MTBP: variants seen among roughly 807,000 people sequenced by gnomAD.
The protein encoded by MTBP is MDM2 binding protein.
MTBP carries 101 observed loss-of-function variants against 117.0 expected under a neutral mutation model. That is an observed-to-expected ratio of 0.86 (90% confidence interval 0.73 to 1.02). The LOEUF (loss-of-function observed/expected upper bound fraction) is 1.02, where lower values mean the gene tolerates loss of function less well. Ranked by LOEUF, MTBP falls within the 50% of genes least tolerant of loss-of-function variation. The probability of loss-of-function intolerance (pLI) is 0.00; values close to 1 mark genes in which losing one functional copy is unlikely to be tolerated. For synonymous variants in MTBP, 350 were observed against 351.5 expected (o/e 1.00, Z 0.05); for missense variants, 970 against 1,030.9 (o/e 0.94, Z 0.81).
chr8:120,510,013 C>A lies in MTBP; in HGVS notation c.1963C>A (p.His655Asn). 6.2e-7 allele frequency: 1 copy of A among 1,609,384 alleles called. No individual in the cohort carries two copies. Among genetic ancestry groups the A allele is most frequent in the South Asian group, 1.1e-5 (1 of 90,480 alleles). The change falls in exon 17 of 22, where the codon CAT (histidine) becomes AAT (asparagine). Residue 655 changes from histidine (H) to asparagine (N), a missense_variant. Coordinates refer to ENST00000305949, the MANE Select transcript of MTBP (RefSeq NM_022045.5). ...VLPFEKASVC[H>N]YHGIEYCLDD... The stretch of plus-strand genomic sequence containing the variant: ...ACCTTTTGAGAAAGCCTCAGTATGT[C>A]ATTATCATGGAATTGAGTAAGTTTT...
intron 13 of MTBP, among the ~76,000 whole-genome samples, chr8:120,491,209 C>G (rs1354491959): frequency 6.6e-6 from 1 of 151,930 alleles, no homozygotes; most frequent in Non-Finnish European, 1.5e-5. Context: ...GAAATTGATT[C>G]AAATTGTGAG....
intron 19 of MTBP, 146 bp from the exon 20 acceptor site, chr8:120,518,558 T>G: frequency 1.8e-6 from 1 of 548,446 alleles, no homozygotes; most frequent in Non-Finnish European, 3.2e-6. Flanking sequence ...GATCTTTTTT[T>G]TCTCAATCAT....
At chr8:120,466,460 C>T (rs1813696640) in intron 10 of MTBP, among the ~76,000 whole-genome samples, 1 of 151,574 alleles carries the variant, frequency 6.6e-6, no homozygotes. Context: ...AAGTGACCCA[C>T]CCACCTCGGC....
chr8:120,517,610 A>ATATAGTGGTAACACTATAACATAGTGG (rs1814940461), intron 18 of MTBP, among the ~76,000 whole-genome samples: 1 of 151,754 alleles, frequency 6.6e-6, no homozygotes. Context: ...GTTATAATGG[A>ATATAGTGGTAACACTATAACATAGTGG]TATAGTGGTA....
intron 15 of MTBP, among the ~76,000 whole-genome samples, chr8:120,505,761 A>G (rs534225199): frequency 1.3e-5 from 2 of 152,292 alleles, no homozygotes; most frequent in East Asian, 3.9e-4. Flanking sequence ...GAAACCTCTA[A>G]CTGAAACCTC....
intron 11 of MTBP, chr8:120,474,027 A>G (rs1351092504): frequency 6.6e-6 from 1 of 152,008 alleles, no homozygotes; most frequent in East Asian, 1.9e-4. Flanking sequence ...ATTTTAAGGT[A>G]ATTTACTCTT....
At chr8:120,472,863 G>T (rs560652741) in intron 11 of MTBP, 1 of 152,274 alleles carries the variant, frequency 6.6e-6, no homozygotes, top group Admixed American at 6.5e-5. Flanking sequence ...TCTACCATAG[G>T]TGCCTGTAAG....
chr8:120,486,466 T>C (rs1814217949), intron 11 of MTBP, among the ~76,000 whole-genome samples: 1 of 152,126 alleles, frequency 6.6e-6, no homozygotes, highest in African/African-American at 2.4e-5. Context: ...GACATTTGGG[T>C]GCCTATTTTC....
At chr8:120,480,941 T>C (rs994783419) in intron 11 of MTBP, among the ~76,000 whole-genome samples, 2 of 152,208 alleles carry the variant, frequency 1.3e-5, no homozygotes, top group African/African-American at 4.8e-5. Context: ...CAGTCGTATA[T>C]CTGACAATGG....
intron 10 of MTBP, among the ~76,000 whole-genome samples, chr8:120,469,536 T>C (rs1813774610): frequency 6.6e-6 from 1 of 152,164 alleles, no homozygotes; most frequent in Non-Finnish European, 1.5e-5. Context: ...TTGCAAAACT[T>C]TTTGAACCAC....
intron 13 of MTBP, 77 bp downstream of exon 13, chr8:120,490,647 AC>A: frequency 1.2e-6 from 1 of 818,146 alleles, no homozygotes; most frequent in Non-Finnish European, 1.9e-6. Context: ...TTATTTGCAC[AC>A]TTTTTCATAT....
chr8:120,465,813 C>A (rs1242644387), intron 10 of MTBP, among the ~76,000 whole-genome samples: 1 of 151,982 alleles, frequency 6.6e-6, no homozygotes, highest in Non-Finnish European at 1.5e-5. Context: ...GCATGTGCCA[C>A]CATGCCTGGC....
At position 120,483,762 on chromosome 8, in the gene MTBP, G is replaced by A. The variant is rs573233548; in HGVS notation, c.1166-4397G>A. On this transcript the variant is annotated intron_variant, in intron 11 of 21. Transcript: ENST00000305949. ...TCTGTATAGTATATCCAAAATATAC[G>A]TATGCTTTTGGTGGAGAGGGGCATA... 7.4e-4 allele frequency among the ~76,000 whole-genome samples: 113 copies of A among 152,152 alleles called. 1 individual carries two copies. The highest frequency in any genetic ancestry group is 1.8e-3 in the Admixed American group (28 of 15,276).
Position 120,451,006 on chromosome 8 carries a change from G to C in MTBP, c.203G>C (p.Cys68Ser). ...INPEDSTFPACSVGGIPGSKK... is the reference protein window; with the variant it reads ...INPEDSTFPASSVGGIPGSKK... ...ATAATGTGGTTTTATTTTCAAGCCT[G>C]TTCAGTGGGAGGTATACCTGGTTCC... Residue 68 changes from cysteine (C) to serine (S), a missense_variant, in exon 3 of 22, where the codon TGT (cysteine) becomes TCT (serine). Coordinates refer to ENST00000305949, the MANE Select transcript of MTBP (RefSeq NM_022045.5). The C allele has an allele frequency of 3.7e-6, 6 of 1,609,664 alleles. No homozygotes were observed. Among genetic ancestry groups the C allele is most frequent in the Non-Finnish European group, 5.1e-6 (6 of 1,178,088 alleles).
chr8:120,488,350 G>T lies in MTBP; in HGVS notation c.1339+18G>T. 6.7e-7 allele frequency: 1 copy of T among 1,492,842 alleles called. No homozygotes were observed. The highest frequency in any genetic ancestry group is 8.9e-7 in the Non-Finnish European group (1 of 1,124,312). 92.5% of individuals were successfully genotyped at this position (1,492,842 alleles called of 1,614,324 possible). A position where few individuals can be genotyped will look rare whatever the true frequency, so the allele number is the denominator to read the frequency against. On this transcript the variant is annotated intron_variant, in intron 12 of 21. Coordinates refer to ENST00000305949, the MANE Select transcript of MTBP (RefSeq NM_022045.5). ...CAAATTGAGTAAGTGTTAACTTCAGGTAGAAAAACATGTTTACATTGTTTG... is the reference window on the plus strand; with the variant it reads ...CAAATTGAGTAAGTGTTAACTTCAGTTAGAAAAACATGTTTACATTGTTTG...
chr8:120,463,661 A>G (rs1813626440), intron 9 of MTBP, 31 bp from the exon 10 acceptor site: 3 of 1,537,860 alleles, frequency 2.0e-6, no homozygotes, highest in Non-Finnish European at 1.8e-6. Flanking sequence ...CATGGGTACC[A>G]TTACATCATT....
In MTBP at chr8:120,497,470, C is replaced by G. The variant is rs760606745; in HGVS notation, c.1525C>G (p.His509Asp). 5 of 1,605,160 alleles carry G rather than the reference C, an allele frequency of 3.1e-6. No individual in the cohort carries two copies. The Admixed American group carries it at 5.1e-5, about 16-fold the overall frequency. ...LKSLLVLTRKHFLDYFDAVIP... is the reference protein window; with the variant it reads ...LKSLLVLTRKDFLDYFDAVIP... Reference sequence around the variant, plus strand: ...AAGTCTGTTAGTACTCACAAGGAAACACTTTTTAGATTATTTTGATGCTGT... The same window carrying G: ...AAGTCTGTTAGTACTCACAAGGAAAGACTTTTTAGATTATTTTGATGCTGT... Residue 509 changes from histidine (H) to aspartate (D), a missense_variant, in exon 14 of 22, where the codon CAC becomes GAC. By Grantham distance (81) the His-to-Asp change is moderately conservative. Coordinates refer to ENST00000305949, the MANE Select transcript of MTBP (RefSeq NM_022045.5).
At chr8:120,513,276 A>G (rs1814851162) in intron 17 of MTBP, among the ~76,000 whole-genome samples, 2 of 151,990 alleles carry the variant, frequency 1.3e-5, no homozygotes, top group South Asian at 2.1e-4. Context: ...TTGGTTTGTG[A>G]TAGGCAGTAT....
chr8:120,464,032 T>G (rs1813636810), intron 10 of MTBP, among the ~76,000 whole-genome samples: 1 of 152,086 alleles, frequency 6.6e-6, no homozygotes, highest in Non-Finnish European at 1.5e-5. Flanking sequence ...GCTTTAAAGT[T>G]TTAAAATTTT....
Sources: allele counts gnomAD v4.1 joint callset (sites outside exome capture counted in the v4.1 genomes callset), GRCh38; gene constraint gnomAD v4.1.1; transcripts MANE v1.5; gene names NCBI Gene and HGNC (gene_info 2026-07-23, HGNC 2026-07-21).